Variants in TRIOBP observed in about 807,000 individuals in gnomAD.
The protein encoded by TRIOBP is TRIO and F-actin-binding protein.
TRIOBP carries 169 observed loss-of-function variants against 238.8 expected under a neutral mutation model. The ratio of observed to expected loss-of-function variants is 0.71; its 90% CI spans 0.62 to 0.80. The LOEUF (loss-of-function observed/expected upper bound fraction) is 0.80. Among genes scored for constraint, TRIOBP ranks in the 30% least tolerant of loss-of-function variants. The pLI, the probability that TRIOBP is intolerant of heterozygous loss-of-function variation, is 0.00. For synonymous variants in TRIOBP, 1,150 were observed against 1,274.4 expected (o/e 0.90, Z 2.08); for missense variants, 2,838 against 3,122.6 (o/e 0.91, Z 2.17).
intron 17 of TRIOBP, among the ~76,000 whole-genome samples, chr22:37,764,134 G>A (rs1379094325): frequency 1.3e-5 from 2 of 152,280 alleles, no homozygotes; most frequent in African/African-American, 4.8e-5. Context: ...ATAATCTCCC[G>A]ATTTTAAGGT....
intron 11 of TRIOBP, chr22:37,746,349 C>T: frequency 8.4e-7 from 1 of 1,186,010 alleles, no homozygotes. Flanking sequence ...TCCCGCGCCG[C>T]GGAGCCCGGC....
chr22:37,743,123 G>A (rs972437465), intron 11 of TRIOBP, among the ~76,000 whole-genome samples: 4 of 152,208 alleles, frequency 2.6e-5, no homozygotes, highest in African/African-American at 9.6e-5. Flanking sequence ...CGGCAACCGA[G>A]GCTTGGTGAG....
At chr22:37,744,463 A>AG (rs1925117024) in intron 11 of TRIOBP, among the ~76,000 whole-genome samples, 1 of 152,196 alleles carries the variant, frequency 6.6e-6, no homozygotes, top group African/African-American at 2.4e-5. Context: ...AGAGGAATGT[A>AG]GCACTGATCT....
intron 21 of TRIOBP, among the ~76,000 whole-genome samples, chr22:37,769,799 G>A (rs1926677353): frequency 6.6e-6 from 1 of 151,992 alleles, no homozygotes; most frequent in South Asian, 2.1e-4. Context: ...CACGATCTCA[G>A]TTCACTGCAA....
At chr22:37,750,272 C>T (rs1480332955) in intron 11 of TRIOBP, among the ~76,000 whole-genome samples, 7 of 152,260 alleles carry the variant, frequency 4.6e-5, no homozygotes, top group African/African-American at 7.2e-5. Flanking sequence ...CAGGGACTTT[C>T]GCCTGGGACT....
At position 37,719,914 on chromosome 22, in the gene TRIOBP, C is replaced by A. The variant is rs113675811; in HGVS notation, c.629-3271C>A. Among the ~76,000 whole-genome samples the A allele has an allele frequency of 7.8e-3, 1,000 of 127,796 alleles. 10 individuals carry two copies. Among genetic ancestry groups the A allele is most frequent in the African/African-American group, 0.026 (933 of 35,810 alleles). The allele number at this position is 127,796 out of a possible 152,430, so 83.8% of individuals were successfully genotyped here. A position where few individuals can be genotyped will look rare whatever the true frequency, so the allele number is the denominator to read the frequency against. Reference sequence around the variant, plus strand: ...GGCCTTGATTTCTCCCCTGAACCTGCCAATTTATACAACCCAGCCCTCTAC... The same window carrying A: ...GGCCTTGATTTCTCCCCTGAACCTGACAATTTATACAACCCAGCCCTCTAC... On this transcript the variant is annotated intron_variant, in intron 6 of 23. Coordinates refer to ENST00000644935, the MANE Select transcript of TRIOBP (RefSeq NM_001039141.3).
intron 11 of TRIOBP, among the ~76,000 whole-genome samples, chr22:37,746,587 G>C (rs1925286393): frequency 6.6e-6 from 1 of 152,200 alleles, no homozygotes. Context: ...CGGCCAGACC[G>C]GCCTCACCCT....
intron 8 of TRIOBP, among the ~76,000 whole-genome samples, chr22:37,734,053 C>A (rs1442769377): frequency 6.6e-6 from 1 of 152,200 alleles, no homozygotes; most frequent in Non-Finnish European, 1.5e-5. Context: ...TAATTTGTAT[C>A]TTTAACCAAA....
chr22:37,764,496 C>T (rs1926390787), intron 17 of TRIOBP, among the ~76,000 whole-genome samples: 1 of 152,210 alleles, frequency 6.6e-6, no homozygotes, highest in Non-Finnish European at 1.5e-5. Context: ...AAGAGTTCCC[C>T]TGATAGGGAT....
rs201724032 is a variant in TRIOBP, at chr22:37,765,707, C to T, written c.6362C>T (p.Ser2121Leu). The change falls in exon 18 of 24, where the codon TCG becomes TTG. Residue 2121 changes from serine to leucine, a missense_variant. By Grantham distance (145) the Ser-to-Leu change is moderately radical. Transcript: ENST00000644935. ...CGCAGCCTGGCAGAGATGGAGTCCT[C>T]GCACCAGCAGGTGATGGAGGAGCTG... ...CERSLAEMES[S>L]HQQVMEELQR... 1,139 of 1,555,128 alleles carry T rather than the reference C, an allele frequency of 7.3e-4. 8 individuals are homozygous for T. The highest frequency in any genetic ancestry group is 6.1e-3 in the South Asian group (513 of 84,384).
At position 37,728,261 on chromosome 22, in the gene TRIOBP, CAAAAA is replaced by C. The variant is rs67412135; in HGVS notation, c.3947+1777_3947+1781del. Among the ~76,000 whole-genome samples the C allele has an allele frequency of 3.8e-5, 3 of 77,982 alleles. No individual in the cohort carries two copies. The East Asian group carries it at 1.2e-3, about 31-fold the overall frequency. 51.2% of individuals were successfully genotyped at this position (77,982 alleles called of 152,430 possible). ...TGGGTGACAGAGTGAGACTCCGTCTCAAAAAAAAAAAAAAAAAAAAAAATTAGCCG... is the reference window on the plus strand; with the variant it reads ...TGGGTGACAGAGTGAGACTCCGTCTCAAAAAAAAAAAAAAAAAATTAGCCG... On this transcript the variant is annotated intron_variant, in intron 7 of 23. Transcript: ENST00000644935.
intron 21 of TRIOBP, among the ~76,000 whole-genome samples, chr22:37,770,520 G>C (rs1421804984): frequency 6.6e-6 from 1 of 151,602 alleles, no homozygotes; most frequent in East Asian, 2.0e-4. Context: ...TAGGATTACA[G>C]GCATGTGCCA....
intron 19 of TRIOBP, among the ~76,000 whole-genome samples, chr22:37,768,695 G>A (rs895440978): frequency 2.0e-5 from 3 of 152,068 alleles, no homozygotes; most frequent in East Asian, 3.9e-4. Context: ...TAGCTACTTG[G>A]GAGGCTGAGG....
At chr22:37,711,623 C>T (rs76141047) in intron 4 of TRIOBP, among the ~76,000 whole-genome samples, 1 of 143,414 alleles carries the variant, frequency 7.0e-6, no homozygotes, top group East Asian at 2.0e-4. Flanking sequence ...AAAAAACCCA[C>T]AAAAAAACGA....
At chr22:37,769,436 AC>A in intron 21 of TRIOBP, 61 bp downstream of exon 21, 1 of 1,443,554 alleles carries the variant, frequency 6.9e-7, no homozygotes, top group Non-Finnish European at 9.3e-7. Context: ...GCTATGGGGC[AC>A]CCCCGCCATA....
intron 7 of TRIOBP, 146 bp from the exon 8 acceptor site, chr22:37,733,152 A>G (rs748776680): frequency 2.9e-6 from 2 of 684,622 alleles, no homozygotes; most frequent in Non-Finnish European, 5.4e-6. Context: ...TAAGGCCCTG[A>G]GAGTCATCCT....
At chr22:37,742,277 A>T (rs34134374) in intron 11 of TRIOBP, among the ~76,000 whole-genome samples, 30,571 of 124,158 alleles carry the variant, frequency 0.25, 4,329 homozygotes, top group South Asian at 0.41. Flanking sequence ...TTTTTTTTTT[A>T]AATTAAGATA....
intron 11 of TRIOBP, among the ~76,000 whole-genome samples, chr22:37,745,264 G>A (rs190523790): frequency 3.3e-5 from 5 of 152,222 alleles, no homozygotes; most frequent in Admixed American, 2.6e-4. Context: ...GCTAATGAGG[G>A]ATAAAGAGGT....
chr22:37,733,946 C>T (rs527529843), intron 8 of TRIOBP, among the ~76,000 whole-genome samples: 31 of 152,340 alleles, frequency 2.0e-4, no homozygotes, highest in African/African-American at 7.0e-4. Flanking sequence ...GGATTACAGG[C>T]GTGAACCACG....
Sources: gnomAD v4.1 joint callset for allele counts (sites outside exome capture counted in the v4.1 genomes callset) on GRCh38, gnomAD v4.1.1 for gene constraint, MANE v1.5 for transcripts, NCBI Gene and HGNC (gene_info 2026-07-23, HGNC 2026-07-21) for gene names.